Variants in RARS2 observed in about 807,000 individuals in gnomAD.
The protein encoded by RARS2 is arginyl-tRNA synthetase 2, mitochondrial.
A neutral mutation model predicts 88.5 loss-of-function variants in RARS2; 67 were observed. That is an observed-to-expected ratio of 0.76 (90% CI 0.62 to 0.93). RARS2 has a LOEUF of 0.93. Among genes scored for constraint, RARS2 ranks in the 40% least tolerant of loss-of-function variants. The pLI is 0.00. For missense variants in RARS2, 664 were observed against 684.2 expected, an observed-to-expected ratio of 0.97 and a Z score of 0.33; for synonymous variants, 239 against 230.3, an observed-to-expected ratio of 1.04 and a Z score of -0.34.
chr6:87,546,818 T>C (rs1229880809), intron 6 of RARS2, among the ~76,000 whole-genome samples: 1 of 152,224 alleles, frequency 6.6e-6, no homozygotes, highest in African/African-American at 2.4e-5. Flanking sequence ...GCAGCTATCT[T>C]CTTTTCCAGC....
intron 3 of RARS2, among the ~76,000 whole-genome samples, 191 bp downstream of exon 3, chr6:87,563,939 T>C (rs537019246): frequency 1.3e-5 from 2 of 152,298 alleles, no homozygotes; most frequent in South Asian, 2.1e-4. Flanking sequence ...TCAAGAGGAG[T>C]GCTTTATAAC....
chr6:87,583,636 A>G (rs2128225156), intron 1 of RARS2, among the ~76,000 whole-genome samples: 1 of 152,324 alleles, frequency 6.6e-6, no homozygotes, highest in South Asian at 2.1e-4. Flanking sequence ...TAATGAGCAA[A>G]ATGAAAAGCA....
chr6:87,514,241 G>C lies in RARS2; in HGVS notation c.*172C>G, dbSNP rs560063714. The C allele has an allele frequency of 1.9e-5, 9 of 463,912 alleles. No individual in the cohort carries two copies. The highest frequency in any genetic ancestry group is 3.5e-5 in the Non-Finnish European group (9 of 253,700). The allele number at this position is 463,912 out of a possible 1,614,324, so 28.7% of individuals were successfully genotyped here. A position where few individuals can be genotyped will look rare whatever the true frequency, so the allele number is the denominator to read the frequency against. ...CAGGAGAATTGCTTGAACCTGGGAG[G>C]TGGAGGTTGCAGTGAGCCAACATCA... On this transcript the variant is annotated 3_prime_UTR_variant, in exon 20 of 20. Coordinates refer to ENST00000369536, the MANE Select transcript of RARS2 (RefSeq NM_020320.5).
rs1329868134 is a variant in RARS2, at chr6:87,562,777, A to C, written c.222T>G (p.Cys74Trp). 6.2e-7 allele frequency: 1 copy of C among 1,612,626 alleles called. No individual in the cohort carries two copies. Among genetic ancestry groups the C allele is most frequent in the African/African-American group, 1.3e-5 (1 of 74,888 alleles). ...TACTGATTTCACTCACCACTGTATC[A>C]CATCTTAGCTGAAAAGAACAAATCA... ...QAKRLAEKLR[C>W]DTVVSEISTG... is the part of the protein sequence containing the mutation. The change falls in exon 4 of 20, where the codon TGT becomes TGG. Residue 74 changes from cysteine to tryptophan, a missense_variant. Coordinates refer to ENST00000369536, the MANE Select transcript of RARS2 (RefSeq NM_020320.5).
intron 10 of RARS2, among the ~76,000 whole-genome samples, chr6:87,528,242 CA>C (rs71018029): frequency 0.47 from 56,142 of 119,640 alleles, 10,696 homozygotes; most frequent in Admixed American, 0.55. Flanking sequence ...GCTTTTATAA[CA>C]AAAAAAAAAA....
intron 8 of RARS2, among the ~76,000 whole-genome samples, chr6:87,538,875 A>C (rs1420522490): frequency 6.6e-6 from 1 of 152,000 alleles, no homozygotes; most frequent in Non-Finnish European, 1.5e-5. Context: ...CTCTATAAAA[A>C]ATCAAAAAAT....
At chr6:87,583,508 G>A (rs1370670346) in intron 1 of RARS2, among the ~76,000 whole-genome samples, 3 of 151,730 alleles carry the variant, frequency 2.0e-5, no homozygotes, top group African/African-American at 7.3e-5. Flanking sequence ...AGAATCGCTT[G>A]AACCTGGGAG....
chr6:87,586,797 C>T (rs891111584), intron 1 of RARS2, among the ~76,000 whole-genome samples: 1 of 152,142 alleles, frequency 6.6e-6, no homozygotes, highest in Non-Finnish European at 1.5e-5. Flanking sequence ...ACAAGTGTTT[C>T]AACTTTTGAA....
intron 10 of RARS2, among the ~76,000 whole-genome samples, chr6:87,527,473 G>A (rs1326167498): frequency 6.6e-6 from 1 of 152,132 alleles, no homozygotes; most frequent in Non-Finnish European, 1.5e-5. Context: ...AACTATTAGA[G>A]GAAAACACTG....
chr6:87,579,154 T>C (rs888455128), intron 1 of RARS2, among the ~76,000 whole-genome samples: 8 of 152,094 alleles, frequency 5.3e-5, no homozygotes, highest in African/African-American at 1.7e-4. Context: ...GAGGAGAAGC[T>C]GGATTTAAAC....
chr6:87,574,386 G>C (rs1770752061), intron 1 of RARS2, among the ~76,000 whole-genome samples: 1 of 152,202 alleles, frequency 6.6e-6, no homozygotes, highest in South Asian at 2.1e-4. Flanking sequence ...TGGAAAGGGG[G>C]AGGAGTTTAT....
intron 18 of RARS2, among the ~76,000 whole-genome samples, chr6:87,515,485 A>G (rs183674811): frequency 6.6e-6 from 1 of 150,966 alleles, no homozygotes; most frequent in East Asian, 2.0e-4. Flanking sequence ...ACGCCACTGC[A>G]CTCCAGCCTG....
At chr6:87,530,976 T>C in intron 8 of RARS2, 34 bp from the exon 9 acceptor site, 1 of 1,612,458 alleles carries the variant, frequency 6.2e-7, no homozygotes, top group Non-Finnish European at 8.5e-7. Context: ...ATGAAGTACA[T>C]AACAGGTCAT....
intron 1 of RARS2, among the ~76,000 whole-genome samples, chr6:87,585,481 G>A (rs530670892): frequency 3.3e-5 from 5 of 152,138 alleles, no homozygotes; most frequent in South Asian, 2.1e-4. Flanking sequence ...CTGTAATCCC[G>A]GCACTTTGGG....
chr6:87,518,209 G>GTAA lies in RARS2; in HGVS notation c.1468_1470dup (p.Leu490dup). The stretch of plus-strand genomic sequence containing the variant: ...AGAATTGAAACAGACTGTGGCTCTT[G>GTAA]TAAACAAGCAGTGTTGAAGTCATTC... On this transcript the variant is annotated inframe_insertion, in exon 17 of 20. Coordinates refer to ENST00000369536, the MANE Select transcript of RARS2 (RefSeq NM_020320.5). 6.2e-7 allele frequency: 1 copy of GTAA among 1,614,166 alleles called. No homozygotes were observed. The highest frequency in any genetic ancestry group is 1.1e-5 in the South Asian group (1 of 91,088).
chr6:87,583,706 C>A (rs1341020557), intron 1 of RARS2, among the ~76,000 whole-genome samples: 6 of 152,086 alleles, frequency 3.9e-5, no homozygotes, highest in Non-Finnish European at 7.4e-5. Flanking sequence ...CACGTACTGG[C>A]CATTTTACAA....
chr6:87,589,669 G>A (rs1776397826), intron 1 of RARS2: 1 of 985,248 alleles, frequency 1.0e-6, no homozygotes, highest in South Asian at 4.7e-5. Context: ...CATAGCTGTG[G>A]GGTGGGAAGG....
chr6:87,580,143 T>C (rs1467436806), intron 1 of RARS2, among the ~76,000 whole-genome samples: 2 of 152,180 alleles, frequency 1.3e-5, no homozygotes, highest in Non-Finnish European at 2.9e-5. Context: ...GGAGCTTTCT[T>C]GGATCAGAAT....
chr6:87,516,548 C>T (rs963990108), intron 18 of RARS2, among the ~76,000 whole-genome samples: 5 of 152,192 alleles, frequency 3.3e-5, no homozygotes, highest in Admixed American at 6.5e-5. Flanking sequence ...CCATCTCTTA[C>T]GTTCACTCTA....
Sources: gnomAD v4.1 joint callset for allele counts (sites outside exome capture counted in the v4.1 genomes callset) on GRCh38, gnomAD v4.1.1 for gene constraint, MANE v1.5 for transcripts, NCBI Gene and HGNC (gene_info 2026-07-23, HGNC 2026-07-21) for gene names.